STPG2: variants seen among roughly 807,000 people sequenced by gnomAD.
STPG2 encodes the protein sperm-tail PG-rich repeat-containing protein 2.
In STPG2, 56 loss-of-function variants were observed where a neutral mutation model predicts 54.2. The observed-to-expected ratio is 1.03, with a 90% CI of 0.83 to 1.29. The LOEUF is 1.29. Ranked by LOEUF, STPG2 falls within the 50% of genes most tolerant of loss-of-function variation. The probability of loss-of-function intolerance (pLI) is 0.00; values close to 1 mark genes in which losing one functional copy is unlikely to be tolerated. For missense variants in STPG2, 596 were observed against 544.9 expected, an observed-to-expected ratio of 1.09 and a Z score of -0.93; for synonymous variants, 200 against 181.8, an observed-to-expected ratio of 1.10 and a Z score of -0.81.
chr4:97,713,773 G>A (rs1325126700), intron 9 of STPG2, among the ~76,000 whole-genome samples: 5 of 152,148 alleles, frequency 3.3e-5, no homozygotes. Context: ...CCCAGGGTAC[G>A]GGACCTGTGG....
At chr4:97,542,252 A>T (rs974134334) in intron 4 of STPG2, among the ~76,000 whole-genome samples, 4 of 152,156 alleles carry the variant, frequency 2.6e-5, no homozygotes, top group Admixed American at 6.5e-5. Flanking sequence ...GAATCTACAA[A>T]GAACTCAAAC....
At chr4:97,477,815 C>T (rs929172804) in intron 4 of STPG2, among the ~76,000 whole-genome samples, 6 of 151,922 alleles carry the variant, frequency 3.9e-5, no homozygotes, top group Non-Finnish European at 5.9e-5. Flanking sequence ...TTAAAACCTC[C>T]TCATTTCCTT....
At chr4:97,890,953 C>T (rs951651794) in intron 8 of STPG2, among the ~76,000 whole-genome samples, 2 of 151,518 alleles carry the variant, frequency 1.3e-5, no homozygotes, top group South Asian at 2.1e-4. Context: ...TAAGTCAGTA[C>T]ATAATACTGA....
At chr4:97,469,696 C>A (rs1318192910) in intron 4 of STPG2, among the ~76,000 whole-genome samples, 1 of 151,446 alleles carries the variant, frequency 6.6e-6, no homozygotes, top group Non-Finnish European at 1.5e-5. Flanking sequence ...AACCAGAGAC[C>A]CAAGCAAAAC....
At chr4:98,121,743 GAC>G (rs1357686513) in intron 3 of STPG2, among the ~76,000 whole-genome samples, 2 of 151,812 alleles carry the variant, frequency 1.3e-5, no homozygotes, top group Non-Finnish European at 1.5e-5. Flanking sequence ...GTGTGTGTGT[GAC>G]AGAGTCTCAC....
intron 8 of STPG2, among the ~76,000 whole-genome samples, chr4:97,930,187 A>T (rs1732489319): frequency 6.6e-6 from 1 of 152,086 alleles, no homozygotes; most frequent in South Asian, 2.1e-4. Flanking sequence ...ATGAGCCACC[A>T]TGCCCAGCCC....
chr4:97,585,664 GAGAAT>G (rs1156983300), intron 10 of STPG2, among the ~76,000 whole-genome samples: 1 of 151,908 alleles, frequency 6.6e-6, no homozygotes, highest in African/African-American at 2.4e-5. Context: ...ATCACTCTGG[GAGAAT>G]GCTCATGGCC....
chr4:97,460,626 T>C (rs1578317017), intron 4 of STPG2, among the ~76,000 whole-genome samples: 1 of 152,268 alleles, frequency 6.6e-6, no homozygotes, highest in Middle Eastern at 3.4e-3. Flanking sequence ...AAGCATAACA[T>C]ACATATAGAA....
At chr4:97,654,659 T>C (rs1269021800) in intron 10 of STPG2, among the ~76,000 whole-genome samples, 1 of 152,128 alleles carries the variant, frequency 6.6e-6, no homozygotes, top group East Asian at 1.9e-4. Flanking sequence ...CAATGACTTC[T>C]GTCTACTTTA....
rs373055554 is a variant in STPG2 at position 98,122,016 on chromosome 4, G to A, written c.387+6412C>T. Among the ~76,000 whole-genome samples, 3 of 151,932 alleles carry A rather than the reference G, an allele frequency of 2.0e-5. 1 individual carries two copies. In the South Asian group the frequency reaches 6.2e-4, roughly 32 times the overall value. ...ACTACAAGCGTGAGCCACCACACTCGACCAAATGCCTGTGATTTTTGCACA... is the reference window on the plus strand; with the variant it reads ...ACTACAAGCGTGAGCCACCACACTCAACCAAATGCCTGTGATTTTTGCACA... On this transcript the variant is annotated intron_variant, in intron 3 of 10. Transcript: ENST00000295268.
At chr4:98,020,528 C>A (rs1736144051) in intron 5 of STPG2, among the ~76,000 whole-genome samples, 2 of 151,968 alleles carry the variant, frequency 1.3e-5, no homozygotes, top group South Asian at 2.1e-4. Flanking sequence ...TGATACTGGC[C>A]TGATAAAATG....
chr4:97,705,558 T>C (rs939345685), intron 10 of STPG2, among the ~76,000 whole-genome samples: 1 of 151,878 alleles, frequency 6.6e-6, no homozygotes, highest in Non-Finnish European at 1.5e-5. Context: ...ACTCTGGACC[T>C]CCGATGAGTT....
intron 10 of STPG2, among the ~76,000 whole-genome samples, chr4:97,615,578 T>G (rs1249269274): frequency 6.6e-6 from 1 of 152,064 alleles, no homozygotes; most frequent in African/African-American, 2.4e-5. Context: ...GCATCTGGCT[T>G]AATCATAGTA....
chr4:98,091,763 T>C (rs1014076315), intron 5 of STPG2, among the ~76,000 whole-genome samples: 1 of 152,064 alleles, frequency 6.6e-6, no homozygotes, highest in Non-Finnish European at 1.5e-5. Context: ...TTAAGCATTG[T>C]GTGTATATAC....
At chr4:97,790,432 A>G (rs1436767514) in intron 9 of STPG2, among the ~76,000 whole-genome samples, 1 of 152,158 alleles carries the variant, frequency 6.6e-6, no homozygotes, top group African/African-American at 2.4e-5. Flanking sequence ...CCTGTGTCTC[A>G]CAAGGCCAAA....
At chr4:97,827,786 C>A (rs919472956) in intron 9 of STPG2, among the ~76,000 whole-genome samples, 1 of 152,156 alleles carries the variant, frequency 6.6e-6, no homozygotes, top group Non-Finnish European at 1.5e-5. Flanking sequence ...TCAAACTTGA[C>A]TTATAAAGCC....
At chr4:97,650,088 T>C (rs1478009184) in intron 10 of STPG2, among the ~76,000 whole-genome samples, 1 of 152,052 alleles carries the variant, frequency 6.6e-6, no homozygotes, top group African/African-American at 2.4e-5. Flanking sequence ...ATAGGGTTCA[T>C]GCTCCCACAA....
intron 4 of STPG2, among the ~76,000 whole-genome samples, chr4:97,465,718 A>G (rs962921161): frequency 2.0e-5 from 3 of 152,056 alleles, no homozygotes; most frequent in Non-Finnish European, 2.9e-5. Flanking sequence ...GATTACTTAT[A>G]ATACCTAATA....
chr4:97,635,116 A>G (rs1176711596), intron 10 of STPG2, among the ~76,000 whole-genome samples: 6 of 151,734 alleles, frequency 4.0e-5, no homozygotes, highest in South Asian at 2.1e-4. Flanking sequence ...CTCAAAGGGA[A>G]GCCCATCAGA....
Sources: gnomAD v4.1 joint callset for allele counts (sites outside exome capture counted in the v4.1 genomes callset) on GRCh38, gnomAD v4.1.1 for gene constraint, MANE v1.5 for transcripts, NCBI Gene and HGNC (gene_info 2026-07-23, HGNC 2026-07-21) for gene names.